Variants in POLR3G observed in about 807,000 individuals in gnomAD.
The protein encoded by POLR3G is RNA polymerase III subunit G.
Under a neutral mutation model 30.1 loss-of-function variants are expected in POLR3G, and 28 were observed. That is an observed-to-expected ratio of 0.93 (90% CI 0.69 to 1.27). The LOEUF (loss-of-function observed/expected upper bound fraction) is 1.27. Ranked by LOEUF, POLR3G falls within the 50% of genes most tolerant of loss-of-function variation. The pLI is 0.00. For missense variants in POLR3G, 254 were observed against 264.6 expected (o/e 0.96, Z 0.28); for synonymous variants, 79 against 82.5 (o/e 0.96, Z 0.23).
At chr5:90,475,479 T>C (rs1407207230) in intron 1 of POLR3G, among the ~76,000 whole-genome samples, 1 of 29,872 alleles carries the variant, frequency 3.3e-5, no homozygotes, top group Non-Finnish European at 6.2e-5. Context: ...CTTTTTTTAA[T>C]TTTATTATTA....
intron 1 of POLR3G, among the ~76,000 whole-genome samples, chr5:90,484,888 A>G (rs1358241777): frequency 6.6e-6 from 1 of 152,214 alleles, no homozygotes; most frequent in African/African-American, 2.4e-5. Flanking sequence ...CTCAGTTCTC[A>G]TAGTATAATC....
Position 90,512,225 on chromosome 5 carries a change from A to C in POLR3G, c.*86A>C, listed in dbSNP as rs1307302231. On this transcript the variant is annotated 3_prime_UTR_variant, in exon 8 of 8. Transcript: ENST00000651687. ...ATTTGTATTTTATTTCTGATAAGGA[A>C]TAAGTACTTGTTTCTGTTGTTTTGG... 1.1e-6 allele frequency: 1 copy of C among 873,966 alleles called. No individual in the cohort carries two copies. Among genetic ancestry groups the C allele is most frequent in the Non-Finnish European group, 1.9e-6 (1 of 534,654 alleles). The allele number at this position is 873,966 out of a possible 1,614,324, so 54.1% of individuals were successfully genotyped here. A position where few individuals can be genotyped will look rare whatever the true frequency, so the allele number is the denominator to read the frequency against.
chr5:90,477,770 T>C (rs767467892), intron 1 of POLR3G, among the ~76,000 whole-genome samples: 6 of 152,168 alleles, frequency 3.9e-5, no homozygotes, highest in African/African-American at 1.4e-4. Context: ...AAAGAAAGAA[T>C]GAAGCAACAA....
At chr5:90,496,211 G>A (rs1298918121) in intron 4 of POLR3G, among the ~76,000 whole-genome samples, 5 of 151,888 alleles carry the variant, frequency 3.3e-5, no homozygotes, top group East Asian at 3.9e-4. Context: ...CTCATGATCC[G>A]CCCGCCTCAG....
At position 90,503,570 on chromosome 5, in the gene POLR3G, G is replaced by A. The variant is rs542338799; in HGVS notation, c.438+1582G>A. Among the ~76,000 whole-genome samples, 85 of 152,304 alleles carry A rather than the reference G, an allele frequency of 5.6e-4. 2 individuals carry two copies. In the South Asian group the frequency reaches 0.017, roughly 31 times the overall value. On this transcript the variant is annotated intron_variant, in intron 6 of 7. Transcript: ENST00000651687. ...TGGGTTTCTCCGTGTAACAAACTGT[G>A]TTTCCATATTGTCTACATTTAAACA... is the stretch of plus-strand genomic sequence containing the variant.
upstream of POLR3G, chr5:90,474,175 G>C (rs1750647394): frequency 6.2e-7 from 1 of 1,604,608 alleles, no homozygotes; most frequent in Non-Finnish European, 8.5e-7. Flanking sequence ...ACCACGTCCT[G>C]CTCGGAGCCG....
intron 1 of POLR3G, among the ~76,000 whole-genome samples, chr5:90,483,127 C>T (rs1751229799): frequency 1.8e-5 from 2 of 109,118 alleles, no homozygotes; most frequent in African/African-American, 6.9e-5. Flanking sequence ...GCAACAAGAC[C>T]GAAACTCCTC....
upstream of POLR3G, chr5:90,474,360 C>A: frequency 7.1e-7 from 1 of 1,416,266 alleles, no homozygotes; most frequent in Non-Finnish European, 9.9e-7. Flanking sequence ...TGTCCACACA[C>A]AGGGCACTGC....
chr5:90,507,326 A>G (rs2151914903), intron 7 of POLR3G, among the ~76,000 whole-genome samples: 1 of 152,286 alleles, frequency 6.6e-6, no homozygotes, highest in East Asian at 1.9e-4. Flanking sequence ...CTTTGTCTTC[A>G]TTCCATTTCA....
chr5:90,502,221 T>A, intron 6 of POLR3G: 1 of 984,878 alleles, frequency 1.0e-6, no homozygotes, highest in Non-Finnish European at 1.2e-6. Flanking sequence ...TCACCTTCTG[T>A]CACCTCTTTC....
At chr5:90,474,241 A>C, upstream of POLR3G, 1 of 1,613,620 alleles carries the variant, frequency 6.2e-7, no homozygotes, top group Non-Finnish European at 8.5e-7. Context: ...TCTTGAATCC[A>C]GAAGATACCA....
chr5:90,498,794 A>T (rs1752111478), intron 5 of POLR3G, among the ~76,000 whole-genome samples: 1 of 152,250 alleles, frequency 6.6e-6, no homozygotes, highest in African/African-American at 2.4e-5. Flanking sequence ...GTAAATAGTT[A>T]TCTATTATTG....
At chr5:90,511,887 C>A (rs563011767) in intron 7 of POLR3G, among the ~76,000 whole-genome samples, 166 bp from the exon 8 acceptor site, 1 of 152,078 alleles carries the variant, frequency 6.6e-6, no homozygotes, top group Non-Finnish European at 1.5e-5. Context: ...TAGTGCCTGA[C>A]AAGAGTGGAA....
In POLR3G at chr5:90,485,654, T is replaced by C; in HGVS notation, c.87T>C (p.Asp29=). Residue 29 remains aspartate, a synonymous_variant, in exon 2 of 8, where the codon GAT becomes GAC. Coordinates refer to ENST00000651687, the MANE Select transcript of POLR3G (RefSeq NM_006467.3). ...TTAGCAAAGGTGAAAAGTTACCTGATGTAGTGTTGAAACCACCCCCACTAT... is the reference window on the plus strand; with the variant it reads ...TTAGCAAAGGTGAAAAGTTACCTGACGTAGTGTTGAAACCACCCCCACTAT... ...VGFSKGEKLP[D]VVLKPPPLFP... 1.2e-6 allele frequency: 2 copies of C among 1,613,934 alleles called. No homozygotes were observed. The highest frequency in any genetic ancestry group is 2.2e-5 in the East Asian group (1 of 44,852).
At position 90,514,397 on chromosome 5, in the gene POLR3G, GTGTT is replaced by G. The variant is rs1393477793; in HGVS notation, c.*2259_*2262del. ...ACATTAAATTCTTACAAAACAAAAT[GTGTT>G]CGTTTGTTTTATAGTAAGATGTTTT... On this transcript the variant is annotated 3_prime_UTR_variant, in exon 8 of 8. Transcript: ENST00000651687. The G allele has an allele frequency of 1.3e-5, 2 of 152,182 alleles. No homozygotes were observed. The highest frequency in any genetic ancestry group is 2.1e-4 in the South Asian group (1 of 4,826). 9.4% of individuals were successfully genotyped at this position (152,182 alleles called of 1,614,324 possible). A position where few individuals can be genotyped will look rare whatever the true frequency, so the allele number is the denominator to read the frequency against.
In POLR3G at chr5:90,512,343, A is replaced by G; in HGVS notation, c.*204A>G. 2 of 507,172 alleles carry G rather than the reference A, an allele frequency of 3.9e-6. No homozygotes were observed. Among genetic ancestry groups the G allele is most frequent in the Non-Finnish European group, 3.6e-6 (1 of 275,124 alleles). The allele number at this position is 507,172 out of a possible 1,614,324, so 31.4% of individuals were successfully genotyped here. On this transcript the variant is annotated 3_prime_UTR_variant, in exon 8 of 8. Coordinates refer to ENST00000651687, the MANE Select transcript of POLR3G (RefSeq NM_006467.3). Reference sequence around the variant, plus strand: ...TCCCTGACACTCTGACATTCCTTCTAAACACCTCTGCCATCTCTCTTATGT... The same window carrying G: ...TCCCTGACACTCTGACATTCCTTCTGAACACCTCTGCCATCTCTCTTATGT...
chr5:90,487,576 G>A (rs1257592116), intron 2 of POLR3G, among the ~76,000 whole-genome samples: 8 of 151,284 alleles, frequency 5.3e-5, no homozygotes, highest in Admixed American at 5.3e-4. Context: ...TATTTTTAAT[G>A]GAGACAGGGT....
At chr5:90,500,984 T>C (rs1752217865) in intron 5 of POLR3G, among the ~76,000 whole-genome samples, 1 of 152,104 alleles carries the variant, frequency 6.6e-6, no homozygotes, top group South Asian at 2.1e-4. Context: ...CTCTAGACCC[T>C]GCACTTTCAG....
intron 3 of POLR3G, among the ~76,000 whole-genome samples, chr5:90,491,057 A>G (rs1291547718): frequency 2.0e-5 from 3 of 152,140 alleles, no homozygotes; most frequent in Non-Finnish European, 4.4e-5. Flanking sequence ...AGGGTGAGAG[A>G]TCTCAAGACT....
Sources: allele counts gnomAD v4.1 joint callset (sites outside exome capture counted in the v4.1 genomes callset), GRCh38; gene constraint gnomAD v4.1.1; transcripts MANE v1.5; gene names NCBI Gene and HGNC (gene_info 2026-07-23, HGNC 2026-07-21).